Variants in MMS19 observed in about 807,000 individuals in gnomAD.
MMS19 encodes MMS19 nucleotide excision repair protein homolog.
MMS19 carries 77 observed loss-of-function variants against 129.8 expected under a neutral mutation model. That is an observed-to-expected ratio of 0.59 (90% CI 0.49 to 0.72). The LOEUF is 0.72. Among genes scored for constraint, MMS19 ranks in the 30% least tolerant of loss-of-function variants. The pLI is 0.00. For synonymous variants in MMS19, 491 were observed against 502.8 expected (o/e 0.98, Z 0.31); for missense variants, 1,168 against 1,266.3 (o/e 0.92, Z 1.18).
At chr10:97,458,956 G>A in intron 29 of MMS19, 56 bp from the exon 30 acceptor site, 4 of 1,528,334 alleles carry the variant, frequency 2.6e-6, no homozygotes, top group South Asian at 2.3e-5. Flanking sequence ...TGAAAGTACC[G>A]CTTTTTTGAT....
In MMS19 at chr10:97,470,859, T is replaced by C; in HGVS notation, c.687A>G (p.Pro229=). The change falls in exon 9 of 31, where the codon CCA becomes CCG. Residue 229 remains proline (P), a splice_region_variant and synonymous_variant. Transcript: ENST00000438925. ...SCYFPIDFTP[P]PNDPHGIQRE... ...TCTGGATACCATGGGGATCATTAGG[T>C]GGCTGGAAAAGGGAGAAGGGCTGTG... 19 of 1,613,402 alleles carry C rather than the reference T, an allele frequency of 1.2e-5. No homozygotes were observed. The highest frequency in any genetic ancestry group is 1.4e-5 in the Non-Finnish European group (17 of 1,179,610).
intron 11 of MMS19, 122 bp downstream of exon 11, chr10:97,469,524 A>C: frequency 1.3e-6 from 1 of 763,246 alleles, no homozygotes; most frequent in South Asian, 1.7e-5. Context: ...TTGCCTCCTG[A>C]ATAACCAGGC....
At chr10:97,475,164 C>T (rs1357880163) in intron 8 of MMS19, among the ~76,000 whole-genome samples, 1 of 152,140 alleles carries the variant, frequency 6.6e-6, no homozygotes, top group South Asian at 2.1e-4. Flanking sequence ...TGACGTGGAA[C>T]ACTCTCCAAG....
intron 3 of MMS19, among the ~76,000 whole-genome samples, chr10:97,479,731 T>C (rs144628092): frequency 1.3e-5 from 2 of 152,030 alleles, no homozygotes; most frequent in Non-Finnish European, 2.9e-5. Flanking sequence ...ATATCAGTAG[T>C]GTACATTACC....
intron 25 of MMS19, 125 bp downstream of exon 25, chr10:97,460,570 T>A: frequency 2.3e-6 from 2 of 855,276 alleles, no homozygotes; most frequent in Non-Finnish European, 3.8e-6. Context: ...AGACCCTGTC[T>A]CCAAAAAGAA....
Position 97,466,515 on chromosome 10 carries a change from ATCC to A in MMS19, c.1491_1493del (p.Glu497del), listed in dbSNP as rs775733868. On this transcript the variant is annotated inframe_deletion, in exon 16 of 31. Coordinates refer to ENST00000438925, the MANE Select transcript of MMS19 (RefSeq NM_022362.5). Reference sequence around the variant, plus strand: ...CTTTAAATTCTCACCAACTCTGGGAATCCTCCTTCAGGAAGCTCAGTCTGTACA... The same window carrying A: ...CTTTAAATTCTCACCAACTCTGGGAATCCTTCAGGAAGCTCAGTCTGTACA... 1.0e-4 allele frequency: 168 copies of A among 1,613,176 alleles called. No individual in the cohort carries two copies. The highest frequency in any genetic ancestry group is 1.4e-4 in the Non-Finnish European group (165 of 1,179,274).
chr10:97,462,640 T>G lies in MMS19; in HGVS notation c.1955A>C (p.Glu652Ala). 1.2e-6 allele frequency: 2 copies of G among 1,613,896 alleles called. No individual in the cohort carries two copies. The highest frequency in any genetic ancestry group is 4.5e-5 in the East Asian group (2 of 44,878). Reference protein sequence around the residue: ...SVLRKVLLEDEVLAAMVSVIG... With the variant: ...SVLRKVLLEDAVLAAMVSVIG... Reference sequence around the variant, plus strand: ...GACAGACACCATGGCAGCCAACACCTCATCCTCCAATAGTACTTTTCTCAG... The same window carrying G: ...GACAGACACCATGGCAGCCAACACCGCATCCTCCAATAGTACTTTTCTCAG... Residue 652 changes from glutamate (E) to alanine (A), a missense_variant, in exon 20 of 31, where the codon GAG becomes GCG. By Grantham distance (107) the Glu-to-Ala change is moderately radical. Transcript: ENST00000438925.
rs145806873 is a variant in MMS19 at position 97,462,239 on chromosome 10, C to G, written c.2013-120G>C. On this transcript the variant is annotated intron_variant, in intron 20 of 30. Transcript: ENST00000438925. ...GATCACCACGTCAATGGGACATGCC[C>G]TGATCATTCATGCATTGAACAAATA... is the stretch of plus-strand genomic sequence containing the variant. The G allele has an allele frequency of 9.1e-4, 632 of 697,274 alleles. 2 individuals are homozygous for G. In the African/African-American group the frequency reaches 9.1e-3, roughly 10 times the overall value. The allele number at this position is 697,274 out of a possible 1,614,324, so 43.2% of individuals were successfully genotyped here. A position where few individuals can be genotyped will look rare whatever the true frequency, so the allele number is the denominator to read the frequency against.
intron 4 of MMS19, among the ~76,000 whole-genome samples, 155 bp from the exon 5 acceptor site, chr10:97,478,084 G>C (rs1273437814): frequency 2.0e-5 from 3 of 152,216 alleles, no homozygotes; most frequent in Admixed American, 1.3e-4. Context: ...AAGCTGATGA[G>C]TTCTCTGCAG....
At position 97,469,176 on chromosome 10, in the gene MMS19, T is replaced by C. The variant is rs893248041; in HGVS notation, c.925-72A>G. ...TGAGACCCCACCAATCCACTGCCTA[T>C]TTCCTTGTTGGAGAGGGGAGTGAGA... is the stretch of plus-strand genomic sequence containing the variant. On this transcript the variant is annotated intron_variant, in intron 11 of 30. Transcript: ENST00000438925. 12 of 1,502,486 alleles carry C rather than the reference T, an allele frequency of 8.0e-6. No individual in the cohort carries two copies. In the African/African-American group the frequency reaches 1.4e-4, roughly 18 times the overall value. The allele number at this position is 1,502,486 out of a possible 1,614,324, so 93.1% of individuals were successfully genotyped here.
intron 8 of MMS19, 62 bp from the exon 9 acceptor site, chr10:97,470,923 C>A: frequency 7.1e-7 from 1 of 1,407,942 alleles, no homozygotes; most frequent in South Asian, 1.2e-5. Flanking sequence ...AACACAGGCT[C>A]GAACCTGGTA....
At chr10:97,461,028 G>A in intron 23 of MMS19, 21 bp from the exon 24 acceptor site, 1 of 1,530,026 alleles carries the variant, frequency 6.5e-7, no homozygotes, top group South Asian at 1.2e-5. Flanking sequence ...GAGAGGAAAT[G>A]CTGACATAAA....
rs779512757 is a variant in MMS19, at chr10:97,468,313, C to A, written c.1157G>T (p.Cys386Phe). 4 of 1,611,414 alleles carry A rather than the reference C, an allele frequency of 2.5e-6. No individual in the cohort carries two copies. Among genetic ancestry groups the A allele is most frequent in the Non-Finnish European group, 3.4e-6 (4 of 1,178,392 alleles). Reference protein sequence around the residue: ...QAAAGASARACDSVTSNVLPL... With the variant: ...QAAAGASARAFDSVTSNVLPL... The stretch of plus-strand genomic sequence containing the variant: ...CAGTACATTGCTGGTGACAGAGTCA[C>A]AGGCCCGGGCAGATGCACCTGCAGC... The change falls in exon 13 of 31, where the codon TGT (cysteine) becomes TTT (phenylalanine). Residue 386 changes from cysteine to phenylalanine, a missense_variant. By Grantham distance (205) the Cys-to-Phe change is radical. This residue lies in a region of MMS19 where 831 missense variants were observed against 910.8 expected (regional missense o/e 0.91). Transcript: ENST00000438925.
At chr10:97,487,750 A>G (rs1050165849) in intron 1 of MMS19, among the ~76,000 whole-genome samples, 5 of 152,274 alleles carry the variant, frequency 3.3e-5, no homozygotes, top group African/African-American at 9.6e-5. Context: ...TACAAGTCTT[A>G]TAACAAAAGG....
chr10:97,493,727 T>C (rs2039336479), intron 1 of MMS19, among the ~76,000 whole-genome samples: 1 of 152,130 alleles, frequency 6.6e-6, no homozygotes, highest in Non-Finnish European at 1.5e-5. Context: ...AAATTAAAAA[T>C]AACCAGGGTT....
intron 1 of MMS19, among the ~76,000 whole-genome samples, chr10:97,487,357 C>T (rs1175271194): frequency 5.3e-5 from 7 of 132,090 alleles, no homozygotes; most frequent in East Asian, 2.1e-4. Context: ...CTCGCTCTTT[C>T]GCCCAGGCCA....
rs1244140023 is a variant in MMS19 at position 97,459,401 on chromosome 10, G to T, written c.2865C>A (p.Leu955=). ...AGCTGAGGTTCAGAAACTTGGTGACGAGGGTGTCCACGTGAAGACTCATGA... is the reference window on the plus strand; with the variant it reads ...AGCTGAGGTTCAGAAACTTGGTGACTAGGGTGTCCACGTGAAGACTCATGA... ...PQVMSLHVDT[L]VTKFLNLSSS... Residue 955 remains leucine (L), a synonymous_variant, in exon 28 of 31, where the codon CTC becomes CTA. Coordinates refer to ENST00000438925, the MANE Select transcript of MMS19 (RefSeq NM_022362.5). 1 of 1,605,768 alleles carries T rather than the reference G, an allele frequency of 6.2e-7. No homozygotes were observed. The highest frequency in any genetic ancestry group is 8.5e-7 in the Non-Finnish European group (1 of 1,176,148).
At chr10:97,492,843 A>T (rs953011667) in intron 1 of MMS19, among the ~76,000 whole-genome samples, 1 of 134,880 alleles carries the variant, frequency 7.4e-6, no homozygotes, top group African/African-American at 2.8e-5. Context: ...TGGGCAACAG[A>T]GCAAGACTTC....
chr10:97,469,639 C>T lies in MMS19; in HGVS notation c.924+7G>A. The T allele has an allele frequency of 6.2e-7, 1 of 1,607,724 alleles. No homozygotes were observed. Among genetic ancestry groups the T allele is most frequent in the Non-Finnish European group, 8.5e-7 (1 of 1,174,242 alleles). ...AACAGTAGTGAGTTTATCTGAGTGA[C>T]ACTCACCTCTCTGCGGATAGAAGCC... is the stretch of plus-strand genomic sequence containing the variant. On this transcript the variant is annotated splice_region_variant and intron_variant, in intron 11 of 30. Coordinates refer to ENST00000438925, the MANE Select transcript of MMS19 (RefSeq NM_022362.5).
Sources: allele counts gnomAD v4.1 joint callset (sites outside exome capture counted in the v4.1 genomes callset), GRCh38; gene constraint gnomAD v4.1.1; regional missense constraint gnomAD v4.1.1; transcripts MANE v1.5; gene names NCBI Gene and HGNC (gene_info 2026-07-23, HGNC 2026-07-21).